Variants in MAMDC2 observed in about 807,000 individuals in gnomAD.
The protein encoded by MAMDC2 is MAM domain-containing protein 2.
In MAMDC2, 57 loss-of-function variants were observed where a neutral mutation model predicts 89.8. The observed-to-expected ratio is 0.63, with a 90% CI of 0.51 to 0.79. The LOEUF (loss-of-function observed/expected upper bound fraction) is 0.79. Among genes scored for constraint, MAMDC2 ranks in the 30% least tolerant of loss-of-function variants. MAMDC2 has a pLI of 0.00. For missense variants in MAMDC2, 800 were observed against 820.6 expected (o/e 0.97, Z 0.31); for synonymous variants, 313 against 293.4 (o/e 1.07, Z -0.68).
At chr9:70,110,316 G>T (rs1011111785) in intron 4 of MAMDC2, among the ~76,000 whole-genome samples, 9 of 152,152 alleles carry the variant, frequency 5.9e-5, no homozygotes, top group African/African-American at 2.2e-4. Flanking sequence ...GTCCTATGGT[G>T]GTTCAGTTCC....
chr9:70,065,674 C>T (rs531474660), intron 2 of MAMDC2, among the ~76,000 whole-genome samples: 9 of 149,978 alleles, frequency 6.0e-5, no homozygotes, highest in South Asian at 2.1e-4. Context: ...TGATAGAAAA[C>T]GTGTACTTCA....
At chr9:70,165,886 A>G (rs1013105613) in intron 9 of MAMDC2, among the ~76,000 whole-genome samples, 3 of 152,174 alleles carry the variant, frequency 2.0e-5, no homozygotes, top group African/African-American at 2.4e-5. Context: ...AGGAAATAAT[A>G]ATGACTGATT....
At chr9:70,170,962 A>G (rs1197734205) in intron 11 of MAMDC2, 1 of 251,400 alleles carries the variant, frequency 4.0e-6, no homozygotes, top group Non-Finnish European at 7.5e-6. Context: ...GCCGAGGCCT[A>G]ATATACAAAA....
intron 11 of MAMDC2, among the ~76,000 whole-genome samples, chr9:70,176,864 A>G (rs756487251): frequency 1.3e-5 from 2 of 152,232 alleles, no homozygotes; most frequent in Non-Finnish European, 2.9e-5. Context: ...GTGATTATTT[A>G]CAGTAGTTCC....
At chr9:70,183,860 G>T (rs910396034) in intron 11 of MAMDC2, among the ~76,000 whole-genome samples, 5 of 152,040 alleles carry the variant, frequency 3.3e-5, no homozygotes, top group Admixed American at 2.0e-4. Flanking sequence ...GATTAATATT[G>T]TTATTTGATT....
intron 9 of MAMDC2, among the ~76,000 whole-genome samples, chr9:70,151,418 G>C (rs2031575364): frequency 6.6e-6 from 1 of 152,214 alleles, no homozygotes; most frequent in African/African-American, 2.4e-5. Flanking sequence ...GTTCATCTCT[G>C]TATCCACAGC....
intron 9 of MAMDC2, among the ~76,000 whole-genome samples, chr9:70,147,262 A>G (rs1294353393): frequency 6.7e-6 from 1 of 150,120 alleles, no homozygotes; most frequent in African/African-American, 2.5e-5. Context: ...CATCTCAAAA[A>G]ATAAATAAAT....
rs143983634 is a variant in MAMDC2, at chr9:70,214,514, G to A, written c.1652-3823G>A. 4.3e-4 allele frequency among the ~76,000 whole-genome samples: 65 copies of A among 152,322 alleles called. 1 individual carries two copies. The highest frequency in any genetic ancestry group is 1.4e-3 in the African/African-American group (58 of 41,578). On this transcript the variant is annotated intron_variant, in intron 11 of 13. Transcript: ENST00000377182. ...TATGGGGTTCTAAAGCCAATTGTAA[G>A]GACTTTAGCTTTCACTCTGAAATGC...
At chr9:70,123,605 A>G (rs921723957) in intron 5 of MAMDC2, among the ~76,000 whole-genome samples, 1 of 152,216 alleles carries the variant, frequency 6.6e-6, no homozygotes, top group Admixed American at 6.5e-5. Flanking sequence ...CCTAACCCCC[A>G]GGACTTAGAA....
Position 70,218,404 on chromosome 9 carries a change from T to A in MAMDC2, c.1719T>A (p.Pro573=). 6.2e-7 allele frequency: 1 copy of A among 1,614,194 alleles called. No homozygotes were observed. Among genetic ancestry groups the A allele is most frequent in the Non-Finnish European group, 8.5e-7 (1 of 1,180,018 alleles). The change falls in exon 12 of 14, where the codon CCT becomes CCA. Residue 573 remains proline, a synonymous_variant. Coordinates refer to ENST00000377182, the MANE Select transcript of MAMDC2 (RefSeq NM_153267.5). The part of the protein sequence containing the change: ...YGQKARLLSR[P]LRGVSGKHCL... The stretch of plus-strand genomic sequence containing the variant: ...AAAAAGCACGCCTCTTGTCCAGGCC[T>A]CTGCGAGGAGTCTCTGGAAAACACT...
intron 5 of MAMDC2, among the ~76,000 whole-genome samples, chr9:70,119,467 C>G (rs1210679340): frequency 6.6e-6 from 1 of 152,152 alleles, no homozygotes; most frequent in Non-Finnish European, 1.5e-5. Context: ...CCATTTGGTG[C>G]GTGGTGTAAG....
At chr9:70,221,380 T>TATATATATATAGAG in intron 12 of MAMDC2, among the ~76,000 whole-genome samples, 12 of 7,038 alleles carry the variant, frequency 1.7e-3, no homozygotes, top group East Asian at 0.01. Flanking sequence ...TATATATATA[T>TATATATATATAGAG]AGAGAGAGAG....
rs115791442 is a variant in MAMDC2, at chr9:70,060,167, A to G, written c.148+15470A>G. Among the ~76,000 whole-genome samples, 363 of 152,294 alleles carry G rather than the reference A, an allele frequency of 2.4e-3. 1 individual carries two copies. Among genetic ancestry groups the G allele is most frequent in the African/African-American group, 8.3e-3 (347 of 41,564 alleles). ...ACTCTAAGCTTTGTGTTTATTGTCT[A>G]TCAACCCTGTTAAACTCGAAGCAAA... On this transcript the variant is annotated intron_variant, in intron 2 of 13. Coordinates refer to ENST00000377182, the MANE Select transcript of MAMDC2 (RefSeq NM_153267.5).
intron 2 of MAMDC2, chr9:70,090,689 G>A (rs1827877699): frequency 6.6e-6 from 1 of 152,094 alleles, no homozygotes; most frequent in South Asian, 2.1e-4. Flanking sequence ...ATGAAAGTGT[G>A]GGAACATTTA....
intron 2 of MAMDC2, among the ~76,000 whole-genome samples, chr9:70,050,379 A>G (rs1320484307): frequency 6.6e-6 from 1 of 152,218 alleles, no homozygotes; most frequent in Non-Finnish European, 1.5e-5. Flanking sequence ...GTAGTTCCTT[A>G]TCATGAAGAA....
chr9:70,184,951 A>C (rs147062824), intron 11 of MAMDC2, among the ~76,000 whole-genome samples: 61 of 152,260 alleles, frequency 4.0e-4, no homozygotes, highest in African/African-American at 7.0e-4. Flanking sequence ...TTTAGAGAAG[A>C]AGCAGCATTG....
intron 2 of MAMDC2, among the ~76,000 whole-genome samples, chr9:70,080,953 T>G (rs1827638360): frequency 6.6e-6 from 1 of 152,194 alleles, no homozygotes; most frequent in South Asian, 2.1e-4. Flanking sequence ...ACTTCCACAG[T>G]AGACTGTCAG....
At chr9:70,157,170 T>C (rs534433186) in intron 9 of MAMDC2, among the ~76,000 whole-genome samples, 8 of 152,344 alleles carry the variant, frequency 5.3e-5, no homozygotes, top group Admixed American at 3.9e-4. Context: ...CTTCCAAACT[T>C]CTATCTTGTG....
chr9:70,131,671 T>C lies in MAMDC2; in HGVS notation c.994+59T>C, dbSNP rs41283671. 11,719 of 1,234,938 alleles carry C rather than the reference T, an allele frequency of 9.5e-3. 74 individuals are homozygous for C. The highest frequency in any genetic ancestry group is 0.026 in the Middle Eastern group (136 of 5,318). 76.5% of individuals were successfully genotyped at this position (1,234,938 alleles called of 1,614,324 possible). A position where few individuals can be genotyped will look rare whatever the true frequency, so the allele number is the denominator to read the frequency against. The stretch of plus-strand genomic sequence containing the variant: ...ATGTTCCTGTTTCAATAGATGTTTG[T>C]GGTCAGAACTTGTTTTAATTGCTTT... On this transcript the variant is annotated intron_variant, in intron 7 of 13. Coordinates refer to ENST00000377182, the MANE Select transcript of MAMDC2 (RefSeq NM_153267.5).
Sources: allele counts gnomAD v4.1 joint callset (sites outside exome capture counted in the v4.1 genomes callset), GRCh38; gene constraint gnomAD v4.1.1; transcripts MANE v1.5; gene names NCBI Gene and HGNC (gene_info 2026-07-23, HGNC 2026-07-21).